Variants in SUGCT observed in about 807,000 individuals in gnomAD.
SUGCT encodes succinyl-CoA:glutarate-CoA transferase, also known as succinyl-CoA:glutarate CoA-transferase.
A neutral mutation model predicts 55.0 loss-of-function variants in SUGCT; 41 were observed. The ratio of observed to expected loss-of-function variants is 0.74; its 90% CI spans 0.58 to 0.97. The LOEUF (loss-of-function observed/expected upper bound fraction) is 0.97. Ranked by LOEUF, SUGCT falls within the 50% of genes least tolerant of loss-of-function variation. The pLI is 0.00. For missense variants in SUGCT, 568 were observed against 547.8 expected (o/e 1.04, Z -0.37); for synonymous variants, 187 against 200.4 (o/e 0.93, Z 0.56).
At chr7:40,951,342 C>T in the SUGCT span, among the ~76,000 whole-genome samples, 623 of 152,066 alleles carry the variant, frequency 4.1e-3, 2 homozygotes, top group African/African-American at 0.013. Flanking sequence ...TGATTCTTCT[C>T]TCTTTTCTTC....
In SUGCT at chr7:40,135,121, G is replaced by A; in HGVS notation, c.100+1G>A. 1 of 1,551,654 alleles carries A rather than the reference G, an allele frequency of 6.4e-7. No homozygotes were observed. Among genetic ancestry groups the A allele is most frequent in the Non-Finnish European group, 8.7e-7 (1 of 1,148,586 alleles). On this transcript the variant is annotated splice_donor_variant, in intron 1 of 13. Coordinates refer to ENST00000335693, the MANE Select transcript of SUGCT (RefSeq NM_001193313.2). LOFTEE classifies it high-confidence loss of function. The stretch of plus-strand genomic sequence containing the variant: ...CTGTGGACTGGCCGCCCGCAGTCAG[G>A]TACCCTCCGAGATTCGGTCTGGGTG...
At chr7:40,600,059 GTTC>G (rs1798216496) in intron 12 of SUGCT, among the ~76,000 whole-genome samples, 1 of 152,186 alleles carries the variant, frequency 6.6e-6, no homozygotes, top group Admixed American at 6.6e-5. Context: ...CCCGTCAGCA[GTTC>G]TTCTTTCTAT....
At chr7:40,681,439 G>A (rs780669138) in intron 12 of SUGCT, among the ~76,000 whole-genome samples, 77 of 152,090 alleles carry the variant, frequency 5.1e-4, no homozygotes, top group Non-Finnish European at 2.6e-4. Context: ...AGAGTGGCAC[G>A]CTTTGTTATA....
the SUGCT span, among the ~76,000 whole-genome samples, chr7:40,954,053 G>A: frequency 6.6e-5 from 10 of 152,338 alleles, no homozygotes; most frequent in African/African-American, 2.4e-4. Flanking sequence ...CCTAGAGGTG[G>A]AGTCTACAGA....
intron 12 of SUGCT, among the ~76,000 whole-genome samples, chr7:40,580,638 T>A (rs961660591): frequency 2.0e-5 from 3 of 152,188 alleles, no homozygotes; most frequent in Non-Finnish European, 4.4e-5. Flanking sequence ...AGAGGCATTG[T>A]GGTGGGTAAA....
At chr7:40,620,876 GA>G (rs1799232578) in intron 12 of SUGCT, among the ~76,000 whole-genome samples, 2 of 152,150 alleles carry the variant, frequency 1.3e-5, no homozygotes, top group Admixed American at 1.3e-4. Flanking sequence ...AACAGTAGGG[GA>G]AACTTCATCT....
At chr7:40,501,485 T>G (rs564163804) in intron 12 of SUGCT, among the ~76,000 whole-genome samples, 96 of 152,150 alleles carry the variant, frequency 6.3e-4, no homozygotes, top group Non-Finnish European at 1.1e-3. Context: ...GGACTTAGTA[T>G]AACATTATGG....
chr7:40,342,594 T>C (rs759315935), intron 9 of SUGCT, among the ~76,000 whole-genome samples: 10 of 152,202 alleles, frequency 6.6e-5, no homozygotes, highest in Non-Finnish European at 1.3e-4. Flanking sequence ...TATTAGAAGT[T>C]AATTGAAGGC....
intron 1 of SUGCT, among the ~76,000 whole-genome samples, chr7:40,139,345 T>G (rs1450104664): frequency 6.6e-6 from 1 of 152,054 alleles, no homozygotes; most frequent in Non-Finnish European, 1.5e-5. Context: ...TACAGGTGTG[T>G]GCCACCACGC....
chr7:40,648,231 A>G (rs1800618449), intron 12 of SUGCT, among the ~76,000 whole-genome samples: 1 of 152,244 alleles, frequency 6.6e-6, no homozygotes, highest in Non-Finnish European at 1.5e-5. Flanking sequence ...ATATACATAC[A>G]TAATTAGCAG....
intron 12 of SUGCT, among the ~76,000 whole-genome samples, chr7:40,693,068 C>A (rs1784767120): frequency 1.3e-5 from 2 of 152,158 alleles, no homozygotes; most frequent in South Asian, 4.1e-4. Context: ...TCAGGAGCTA[C>A]TTCTTAAACT....
At chr7:40,373,044 G>A (rs1784364923) in intron 9 of SUGCT, among the ~76,000 whole-genome samples, 1 of 151,932 alleles carries the variant, frequency 6.6e-6, no homozygotes, top group South Asian at 2.1e-4. Flanking sequence ...GCTTAATTGT[G>A]TATCATAGTA....
chr7:40,576,956 C>G (rs750416240), intron 12 of SUGCT, among the ~76,000 whole-genome samples: 1 of 152,136 alleles, frequency 6.6e-6, no homozygotes, highest in Non-Finnish European at 1.5e-5. Flanking sequence ...GAGAGTGATG[C>G]TTACACCAGT....
At chr7:40,283,227 C>T (rs1250331229) in intron 8 of SUGCT, among the ~76,000 whole-genome samples, 1 of 151,314 alleles carries the variant, frequency 6.6e-6, no homozygotes, top group South Asian at 2.1e-4. Flanking sequence ...ACATTTCTTT[C>T]TTTTTCTTTT....
At chr7:40,691,062 T>C (rs929449879) in intron 12 of SUGCT, among the ~76,000 whole-genome samples, 1 of 152,186 alleles carries the variant, frequency 6.6e-6, no homozygotes, top group Non-Finnish European at 1.5e-5. Context: ...AAAGGAAGAC[T>C]CAGGAAAAAC....
At chr7:40,949,556 C>A in the SUGCT span, among the ~76,000 whole-genome samples, 1 of 152,146 alleles carries the variant, frequency 6.6e-6, no homozygotes, top group Non-Finnish European at 1.5e-5. Flanking sequence ...ATGGTATTGC[C>A]TAGGTTTTCT....
Position 40,392,949 on chromosome 7 carries a change from A to G in SUGCT, c.817-56338A>G, listed in dbSNP as rs139792069. On this transcript the variant is annotated intron_variant, in intron 9 of 13. Transcript: ENST00000335693. ...GGATTGTAGAGTCACCAATTAAGAC[A>G]GTGAAATGCAGGAAGAGGGTCAGGC... Among the ~76,000 whole-genome samples, 110 of 152,298 alleles carry G rather than the reference A, an allele frequency of 7.2e-4. 1 individual carries two copies. In the South Asian group the frequency reaches 0.01, roughly 14 times the overall value.
intron 12 of SUGCT, among the ~76,000 whole-genome samples, chr7:40,693,272 G>A (rs1419150421): frequency 1.3e-5 from 2 of 152,174 alleles, no homozygotes. Flanking sequence ...CAAGTTAATT[G>A]ACCTAGCAAA....
chr7:40,355,030 G>C (rs867577555), intron 9 of SUGCT, among the ~76,000 whole-genome samples: 3 of 152,016 alleles, frequency 2.0e-5, no homozygotes, highest in Non-Finnish European at 4.4e-5. Flanking sequence ...TCATTAGTTT[G>C]GCTCCTGCCT....
Sources: gnomAD v4.1 joint callset for allele counts (sites outside exome capture counted in the v4.1 genomes callset) on GRCh38, gnomAD v4.1.1 for gene constraint, MANE v1.5 for transcripts, NCBI Gene and HGNC (gene_info 2026-07-23, HGNC 2026-07-21) for gene names.